Variants in CASP9 observed in about 807,000 individuals in gnomAD.
CASP9 encodes the protein caspase-9.
In CASP9, 29 loss-of-function variants were observed where a neutral mutation model predicts 43.5. The observed-to-expected ratio is 0.67, with a 90% CI of 0.50 to 0.91. CASP9 has a LOEUF of 0.91. Ranked by LOEUF, CASP9 falls within the 40% of genes least tolerant of loss-of-function variation. CASP9 has a pLI of 0.00. For missense variants in CASP9, 575 were observed against 537.4 expected (o/e 1.07, Z -0.69); for synonymous variants, 206 against 211.9 (o/e 0.97, Z 0.24).
At position 15,505,099 on chromosome 1, in the gene CASP9, A is replaced by C. The variant is rs1709469899; in HGVS notation, c.721-341T>G. Among the ~76,000 whole-genome samples, 3 of 152,284 alleles carry C rather than the reference A, an allele frequency of 2.0e-5. No individual in the cohort carries two copies. The South Asian group carries it at 6.2e-4, about 32-fold the overall frequency. On this transcript the variant is annotated intron_variant, in intron 5 of 8. Transcript: ENST00000333868. ...GTAAGAAATGTGATTCCTGGGCCCC[A>C]CCCAGACCTCCTAATCAGCAGTATG...
At chr1:15,511,902 C>T (rs377178380) in intron 2 of CASP9, among the ~76,000 whole-genome samples, 4 of 152,024 alleles carry the variant, frequency 2.6e-5, no homozygotes, top group Non-Finnish European at 5.9e-5. Context: ...CTCCCCAGCC[C>T]TTGGCAATTT....
chr1:15,493,735 G>C (rs1708981744), intron 8 of CASP9, 157 bp downstream of exon 8: 15 of 1,514,472 alleles, frequency 9.9e-6, no homozygotes, highest in Non-Finnish European at 1.2e-5. Flanking sequence ...CTCATAAAGA[G>C]ACACAAAAGT....
Position 15,506,155 on chromosome 1 carries a change from A to G in CASP9, c.631-76T>C, listed in dbSNP as rs1479658678. The G allele has an allele frequency of 1.8e-5, 18 of 1,019,050 alleles. No individual in the cohort carries two copies. The Admixed American group carries it at 3.0e-4, about 17-fold the overall frequency. The allele number at this position is 1,019,050 out of a possible 1,614,324, so 63.1% of individuals were successfully genotyped here. On this transcript the variant is annotated intron_variant, in intron 4 of 8. Coordinates refer to ENST00000333868, the MANE Select transcript of CASP9 (RefSeq NM_001229.5). ...AGACTGGACCGTTCCTAACAATAAA[A>G]GGGCCCAGCCTGGCCAGGCATGGTG... is the stretch of plus-strand genomic sequence containing the variant.
chr1:15,507,523 G>T (rs560425871), intron 3 of CASP9, among the ~76,000 whole-genome samples: 1 of 152,280 alleles, frequency 6.6e-6, no homozygotes, highest in Admixed American at 6.5e-5. Context: ...CTTCTCTCTC[G>T]CCTAACTGAC....
intron 6 of CASP9, among the ~76,000 whole-genome samples, chr1:15,501,598 T>C (rs1253234116): frequency 4.6e-5 from 7 of 152,132 alleles, no homozygotes; most frequent in Non-Finnish European, 8.8e-5. Context: ...CACCATGTGG[T>C]AACTGCGTTA....
chr1:15,507,334 G>A (rs993771800), intron 3 of CASP9, among the ~76,000 whole-genome samples: 2 of 152,110 alleles, frequency 1.3e-5, no homozygotes, highest in South Asian at 2.1e-4. Flanking sequence ...AGGACCTCAC[G>A]GGTCACCTAG....
chr1:15,522,235 T>C (rs1710232466), intron 1 of CASP9, among the ~76,000 whole-genome samples: 2 of 152,262 alleles, frequency 1.3e-5, no homozygotes, highest in Non-Finnish European at 2.9e-5. Flanking sequence ...CTTGCTAATA[T>C]GTAACAAGGC....
Position 15,513,152 on chromosome 1 carries a change from C to A in CASP9, c.418+4958G>T, listed in dbSNP as rs4646019. ...CTCCAGCCTGGGCAACAGAACAAGA[C>A]TCCGTCTCAAAAAAAAAAAAAAAAA... On this transcript the variant is annotated intron_variant, in intron 2 of 8. Transcript: ENST00000333868. Among the ~76,000 whole-genome samples, 948 of 145,394 alleles carry A rather than the reference C, an allele frequency of 6.5e-3. 8 individuals are homozygous for A. Among genetic ancestry groups the A allele is most frequent in the African/African-American group, 0.024 (916 of 37,776 alleles).
intron 4 of CASP9, 71 bp from the exon 5 acceptor site, chr1:15,506,150 A>G: frequency 9.5e-7 from 1 of 1,057,406 alleles, no homozygotes; most frequent in Non-Finnish European, 1.5e-6. Flanking sequence ...GTTCCTAACA[A>G]TAAAAGGGCC....
chr1:15,513,602 C>A (rs1709846787), intron 2 of CASP9, among the ~76,000 whole-genome samples: 1 of 152,146 alleles, frequency 6.6e-6, no homozygotes, highest in South Asian at 2.1e-4. Flanking sequence ...CCAAATTAGG[C>A]AAGCATGAAC....
chr1:15,524,689 G>A (rs1710381265), upstream of CASP9: 1 of 1,029,294 alleles, frequency 9.7e-7, no homozygotes, highest in Non-Finnish European at 1.2e-6. Flanking sequence ...CTCGCCTTCA[G>A]GACGCCTCCG....
chr1:15,503,070 A>G (rs1303615791), intron 6 of CASP9, among the ~76,000 whole-genome samples: 2 of 152,150 alleles, frequency 1.3e-5, no homozygotes, highest in African/African-American at 4.8e-5. Flanking sequence ...ATCACTGTAC[A>G]CACACCAATT....
intron 4 of CASP9, 68 bp downstream of exon 4, chr1:15,506,831 G>A (rs1438289709): frequency 7.2e-7 from 1 of 1,385,012 alleles, no homozygotes; most frequent in Non-Finnish European, 1.0e-6. Context: ...GGCTTTTGGA[G>A]TCCCTCAAAA....
rs1301472052 is a variant in CASP9, at chr1:15,518,131, A to G, written c.397T>C (p.Ser133Pro). The G allele has an allele frequency of 1.2e-6, 2 of 1,614,182 alleles. No homozygotes were observed. Among genetic ancestry groups the G allele is most frequent in the East Asian group, 4.5e-5 (2 of 44,884 alleles). ...PETPRPVDIG[S>P]GGFGDVGALE... ...TTACCGACATCACCAAATCCTCCAG[A>G]ACCAATGTCCACTGGTCTGGGTGTT... Residue 133 changes from serine to proline, a missense_variant, in exon 2 of 9, where the codon TCT becomes CCT. Transcript: ENST00000333868.
At chr1:15,508,732 T>TA (rs1709620821) in intron 2 of CASP9, among the ~76,000 whole-genome samples, 1 of 151,874 alleles carries the variant, frequency 6.6e-6, no homozygotes. Flanking sequence ...ATTTCTTTTC[T>TA]AAAAAAGAGC....
In CASP9 at chr1:15,492,327, TAAC is replaced by T. The variant is rs1212901160; in HGVS notation, c.*613_*615del. The T allele has an allele frequency of 6.6e-6, 1 of 152,074 alleles. No individual in the cohort carries two copies. Among genetic ancestry groups the T allele is most frequent in the East Asian group, 1.9e-4 (1 of 5,194 alleles). The allele number at this position is 152,074 out of a possible 1,614,324, so 9.4% of individuals were successfully genotyped here. A position where few individuals can be genotyped will look rare whatever the true frequency, so the allele number is the denominator to read the frequency against. On this transcript the variant is annotated 3_prime_UTR_variant, in exon 9 of 9. Transcript: ENST00000333868. ...AAAATTAATGCAATATAGGAAAAAT[TAAC>T]AATTTTTAAAATTTCACTTAGAATT...
intron 2 of CASP9, among the ~76,000 whole-genome samples, chr1:15,517,295 C>A (rs4646013): frequency 6.6e-6 from 1 of 151,978 alleles, no homozygotes; most frequent in African/African-American, 2.4e-5. Context: ...TTCAAAGATA[C>A]AATGATGAAT....
At chr1:15,493,564 C>A in intron 8 of CASP9, 1 of 1,418,508 alleles carries the variant, frequency 7.0e-7, no homozygotes, top group Non-Finnish European at 9.2e-7. Context: ...AGGGAGGGGC[C>A]CATGACCCGC....
At position 15,493,904 on chromosome 1, in the gene CASP9, G is replaced by A. The variant is rs985194083; in HGVS notation, c.1146C>T (p.Ser382=). The A allele has an allele frequency of 6.3e-7, 1 of 1,596,976 alleles. No individual in the cohort carries two copies. The highest frequency in any genetic ancestry group is 8.5e-7 in the Non-Finnish European group (1 of 1,170,826). Residue 382 remains serine, a synonymous_variant, in exon 8 of 9, where the codon TCC becomes TCT. Transcript: ENST00000333868. The part of the protein sequence containing the change: ...EQWAHSEDLQ[S]LLLRVANAVS... ...AGGCAGCACTCACCCTAAGCAGGAG[G>A]GACTGCAGGTCTTCAGAGTGAGCCC... is the stretch of plus-strand genomic sequence containing the variant.
Sources: gnomAD v4.1 joint callset for allele counts (sites outside exome capture counted in the v4.1 genomes callset) on GRCh38, gnomAD v4.1.1 for gene constraint, MANE v1.5 for transcripts, NCBI Gene and HGNC (gene_info 2026-07-23, HGNC 2026-07-21) for gene names.